DNAH14: variants seen among roughly 807,000 people sequenced by gnomAD.
The protein encoded by DNAH14 is axonemal beta dynein heavy chain 14.
Under a neutral mutation model 520.9 loss-of-function variants are expected in DNAH14, and 478 were observed. The observed-to-expected ratio is 0.92, with a 90% CI of 0.85 to 0.99. The LOEUF is 0.99. DNAH14 is among the 50% of genes least tolerant of loss of function. The pLI is 0.00. For missense variants in DNAH14, 4,831 were observed against 5,234.5 expected, an observed-to-expected ratio of 0.92 and a Z score of 2.38; for synonymous variants, 1,581 against 1,757.2, an observed-to-expected ratio of 0.90 and a Z score of 2.51.
chr1:225,167,466 A>G (rs2082141078), intron 35 of DNAH14, among the ~76,000 whole-genome samples: 1 of 152,186 alleles, frequency 6.6e-6, no homozygotes, highest in Non-Finnish European at 1.5e-5. Context: ...TAACCACATC[A>G]TGTCTTTAAT....
chr1:225,196,507 A>G (rs2086153521), intron 38 of DNAH14, among the ~76,000 whole-genome samples: 2 of 152,084 alleles, frequency 1.3e-5, no homozygotes, highest in South Asian at 4.2e-4. Context: ...TCATGTAATG[A>G]GTTCTTTTCC....
intron 1 of DNAH14, among the ~76,000 whole-genome samples, chr1:224,944,942 A>C (rs2059694165): frequency 6.6e-6 from 1 of 151,980 alleles, no homozygotes; most frequent in South Asian, 2.1e-4. Flanking sequence ...CCTTCATTTC[A>C]ACTTTGGTGA....
chr1:224,974,017 A>T, intron 7 of DNAH14, 74 bp from the exon 8 acceptor site: 2 of 984,400 alleles, frequency 2.0e-6, no homozygotes, highest in Non-Finnish European at 1.4e-6. Flanking sequence ...GGTATTACTA[A>T]GCTTTTACTA....
chr1:225,377,020 T>A (rs1204314394), intron 78 of DNAH14, among the ~76,000 whole-genome samples: 2 of 152,002 alleles, frequency 1.3e-5, no homozygotes, highest in Non-Finnish European at 2.9e-5. Context: ...TACATGCATA[T>A]CATATGCACA....
chr1:225,398,061 A>AC (rs2096047559), intron 84 of DNAH14: 1 of 151,876 alleles, frequency 6.6e-6, no homozygotes, highest in African/African-American at 2.4e-5. Flanking sequence ...AAAAAAAAAA[A>AC]AAAAAAAACC....
chr1:225,118,247 G>T (rs768915253), intron 25 of DNAH14: 4 of 511,240 alleles, frequency 7.8e-6, no homozygotes, highest in Middle Eastern at 1.1e-3. Context: ...CTTACATTTT[G>T]TTCTGTCATT....
At chr1:225,036,727 G>T (rs1170134366) in intron 11 of DNAH14, among the ~76,000 whole-genome samples, 1 of 152,170 alleles carries the variant, frequency 6.6e-6, no homozygotes, top group Non-Finnish European at 1.5e-5. Flanking sequence ...CTGTGCCTGA[G>T]CTGTCTTGTC....
chr1:225,348,862 G>A (rs1405948959), intron 71 of DNAH14, among the ~76,000 whole-genome samples: 1 of 152,184 alleles, frequency 6.6e-6, no homozygotes, highest in African/African-American at 2.4e-5. Context: ...TGTAACTTAA[G>A]TTACAAAAAC....
At chr1:225,337,870 A>T (rs1182555002) in intron 67 of DNAH14, among the ~76,000 whole-genome samples, 191 bp from the exon 68 acceptor site, 1 of 152,162 alleles carries the variant, frequency 6.6e-6, no homozygotes, top group Non-Finnish European at 1.5e-5. Flanking sequence ...CAAACAATCG[A>T]ATTATACTCT....
intron 76 of DNAH14, 102 bp from the exon 77 acceptor site, chr1:225,367,703 T>C: frequency 1.3e-6 from 1 of 783,366 alleles, no homozygotes; most frequent in Non-Finnish European, 2.0e-6. Context: ...ATAGTTACAT[T>C]CTTGCCCAGT....
chr1:225,043,198 G>A (rs1251514181), intron 13 of DNAH14, 84 bp downstream of exon 13: 1 of 1,367,454 alleles, frequency 7.3e-7, no homozygotes, highest in Non-Finnish European at 9.7e-7. Context: ...GGGAGGCTGA[G>A]GTGGGAGGAT....
chr1:225,002,057 A>G (rs1572378393), intron 8 of DNAH14, among the ~76,000 whole-genome samples: 1 of 152,272 alleles, frequency 6.6e-6, no homozygotes, highest in African/African-American at 2.4e-5. Flanking sequence ...TCTGATTATT[A>G]TATTTTCTGT....
intron 11 of DNAH14, 84 bp from the exon 12 acceptor site, chr1:225,038,610 T>G (rs2067179593): frequency 7.3e-7 from 1 of 1,367,002 alleles, no homozygotes; most frequent in Non-Finnish European, 9.7e-7. Context: ...GGGTTGCTTT[T>G]TGTTGTTGAG....
At chr1:225,043,701 A>G (rs1225172348) in intron 13 of DNAH14, 43 bp from the exon 14 acceptor site, 5 of 1,332,648 alleles carry the variant, frequency 3.8e-6, no homozygotes, top group Non-Finnish European at 5.2e-6. Flanking sequence ...TATAAATATC[A>G]ATCAATTTTG....
At chr1:225,227,044 T>A (rs933350497) in intron 41 of DNAH14, among the ~76,000 whole-genome samples, 1 of 152,130 alleles carries the variant, frequency 6.6e-6, no homozygotes, top group African/African-American at 2.4e-5. Flanking sequence ...GTAAATAGAA[T>A]GTACAATTGG....
At chr1:225,345,836 C>A in intron 69 of DNAH14, 126 bp from the exon 70 acceptor site, 2 of 682,870 alleles carry the variant, frequency 2.9e-6, no homozygotes, top group Admixed American at 6.7e-5. Context: ...TTTAAGAGCC[C>A]GTCTCTGACA....
chr1:225,206,385 C>T (rs1472913373), intron 40 of DNAH14, among the ~76,000 whole-genome samples: 1 of 152,104 alleles, frequency 6.6e-6, no homozygotes, highest in Non-Finnish European at 1.5e-5. Context: ...TAATACTACT[C>T]TTAGTAATTG....
At chr1:225,362,368 C>T (rs1041436158) in intron 75 of DNAH14, among the ~76,000 whole-genome samples, 10 of 151,928 alleles carry the variant, frequency 6.6e-5, no homozygotes, top group East Asian at 3.9e-4. Context: ...TGAAGTCAGG[C>T]GTCTGAGACC....
At chr1:225,297,401 G>A (rs924189202) in intron 55 of DNAH14, among the ~76,000 whole-genome samples, 2 of 151,848 alleles carry the variant, frequency 1.3e-5, no homozygotes, top group African/African-American at 2.4e-5. Context: ...GTGAGCTATT[G>A]TGTTCCTTTG....
Sources: allele counts gnomAD v4.1 joint callset (sites outside exome capture counted in the v4.1 genomes callset), GRCh38; gene constraint gnomAD v4.1.1; transcripts MANE v1.5; gene names NCBI Gene and HGNC (gene_info 2026-07-23, HGNC 2026-07-21).